Variants in COBL observed in about 807,000 individuals in gnomAD.
COBL encodes the protein protein cordon-bleu.
COBL carries 51 observed loss-of-function variants against 98.8 expected under a neutral mutation model. The observed-to-expected ratio is 0.52, with a 90% CI of 0.41 to 0.65. The LOEUF (loss-of-function observed/expected upper bound fraction) is 0.65. Ranked by LOEUF, COBL falls within the 30% of genes least tolerant of loss-of-function variation. The pLI, the probability that COBL is intolerant of heterozygous loss-of-function variation, is 0.00. For synonymous variants in COBL, 634 were observed against 651.7 expected, an observed-to-expected ratio of 0.97 and a Z score of 0.41; for missense variants, 1,617 against 1,617.5, an observed-to-expected ratio of 1.00 and a Z score of 0.01.
intron 1 of COBL, among the ~76,000 whole-genome samples, chr7:51,289,538 C>T (rs1339860378): frequency 1.3e-5 from 2 of 152,240 alleles, no homozygotes; most frequent in Non-Finnish European, 2.9e-5. Flanking sequence ...ATGTGCTGAT[C>T]CTGCCCATCT....
chr7:51,241,580 T>G (rs1213122178), intron 1 of COBL, among the ~76,000 whole-genome samples: 1 of 152,166 alleles, frequency 6.6e-6, no homozygotes, highest in African/African-American at 2.4e-5. Context: ...TAATCTATAT[T>G]TTTTAAAAAA....
chr7:51,018,906 ATATATATATATATATATATATAT>A lies in COBL; in HGVS notation c.3769-1361_3769-1339del, dbSNP rs1301631153. 3.8e-4 allele frequency among the ~76,000 whole-genome samples: 13 copies of A among 33,802 alleles called. 2 individuals carry two copies. The highest frequency in any genetic ancestry group is 1.0e-3 in the African/African-American group (12 of 11,768). 22.2% of individuals were successfully genotyped at this position (33,802 alleles called of 152,430 possible). Reference sequence around the variant, plus strand: ...AACTCCATCTCAAAAAAAAAAAAAAATATATATATATATATATATATATATATATATATATATATATATATATG... The same window carrying A: ...AACTCCATCTCAAAAAAAAAAAAAAAATATATATATATATATATATATATG... On this transcript the variant is annotated intron_variant, in intron 12 of 12. Transcript: ENST00000265136.
intron 6 of COBL, among the ~76,000 whole-genome samples, chr7:51,132,446 G>C (rs1225159847): frequency 6.6e-6 from 1 of 152,220 alleles, no homozygotes; most frequent in Non-Finnish European, 1.5e-5. Context: ...CCATTTTACA[G>C]AGGAAACTGA....
chr7:51,079,777 G>C (rs781108453), intron 7 of COBL, among the ~76,000 whole-genome samples: 14 of 152,238 alleles, frequency 9.2e-5, no homozygotes, highest in Non-Finnish European at 1.8e-4. Context: ...CGGCTGCCGA[G>C]AGGTGGCCTC....
chr7:51,232,649 A>C (rs1466109801), intron 1 of COBL, among the ~76,000 whole-genome samples: 1 of 152,102 alleles, frequency 6.6e-6, no homozygotes, highest in Non-Finnish European at 1.5e-5. Context: ...GCCTCTACTA[A>C]AAATACAAAA....
chr7:51,232,988 G>T (rs1794911342), intron 1 of COBL, among the ~76,000 whole-genome samples: 2 of 152,132 alleles, frequency 1.3e-5, no homozygotes, highest in African/African-American at 4.8e-5. Context: ...CTATGCAAGT[G>T]ATCAGGAGTA....
intron 7 of COBL, among the ~76,000 whole-genome samples, chr7:51,078,505 T>G (rs1477942772): frequency 6.6e-6 from 1 of 152,230 alleles, no homozygotes; most frequent in Non-Finnish European, 1.5e-5. Flanking sequence ...TTCCATGAGA[T>G]AAGACATTCC....
At chr7:51,215,390 G>A (rs1419199432) in intron 2 of COBL, among the ~76,000 whole-genome samples, 4 of 152,042 alleles carry the variant, frequency 2.6e-5, no homozygotes, top group Non-Finnish European at 5.9e-5. Flanking sequence ...TTTCAGCTTT[G>A]TTTGGATTAA....
At chr7:51,148,751 C>A (rs549904589) in intron 5 of COBL, among the ~76,000 whole-genome samples, 6 of 152,276 alleles carry the variant, frequency 3.9e-5, no homozygotes, top group Admixed American at 1.3e-4. Flanking sequence ...CCCTTCAGAG[C>A]CAGGCCAAGG....
rs1236153620 is a variant in COBL, at chr7:51,028,610, A to G, written c.2486T>C (p.Leu829Pro). The G allele has an allele frequency of 6.2e-7, 1 of 1,613,722 alleles. No individual in the cohort carries two copies. The highest frequency in any genetic ancestry group is 8.5e-7 in the Non-Finnish European group (1 of 1,179,882). The change falls in exon 10 of 13, where the codon CTA becomes CCA. Residue 829 changes from leucine (L) to proline (P), a missense_variant. Coordinates refer to ENST00000265136, the MANE Select transcript of COBL (RefSeq NM_015198.5). ...GGGGGGCTGGTTTCTCCCCTCCCCTAGGGGGTTCCGGCCCTCATGGTGGGC... is the reference window on the plus strand; with the variant it reads ...GGGGGGCTGGTTTCTCCCCTCCCCTGGGGGGTTCCGGCCCTCATGGTGGGC... ...KSAHHEGRNP[L>P]GEGRNQPPTM...
chr7:51,076,289 G>T (rs1793067249), intron 7 of COBL, among the ~76,000 whole-genome samples: 1 of 152,216 alleles, frequency 6.6e-6, no homozygotes, highest in Admixed American at 6.5e-5. Context: ...GGCATTAGGG[G>T]ACTCTAATGA....
chr7:51,041,699 G>A (rs1020026003), intron 8 of COBL, among the ~76,000 whole-genome samples: 2 of 151,794 alleles, frequency 1.3e-5, no homozygotes, highest in Non-Finnish European at 1.5e-5. Context: ...GGCCAGGCAG[G>A]TCTTGAACTC....
chr7:51,145,398 G>A (rs181043347), intron 5 of COBL, among the ~76,000 whole-genome samples: 99 of 121,512 alleles, frequency 8.1e-4, no homozygotes, highest in African/African-American at 3.1e-3. Context: ...TTTTTTTTCC[G>A]AGATGGAGTG....
At chr7:51,045,966 C>A (rs1169341037) in intron 7 of COBL, among the ~76,000 whole-genome samples, 1 of 152,216 alleles carries the variant, frequency 6.6e-6, no homozygotes, top group African/African-American at 2.4e-5. Context: ...CCCAGGCCAG[C>A]CCTCCTGCTC....
At chr7:51,025,042 C>A in intron 12 of COBL, 67 bp downstream of exon 12, 1 of 1,602,438 alleles carries the variant, frequency 6.2e-7, no homozygotes, top group Non-Finnish European at 8.5e-7. Context: ...GCAAGCGTGT[C>A]CCTGGATCTA....
chr7:51,306,041 G>A (rs576979805), intron 1 of COBL, among the ~76,000 whole-genome samples: 4 of 152,088 alleles, frequency 2.6e-5, no homozygotes, highest in African/African-American at 9.7e-5. Flanking sequence ...TCTGTCTTGG[G>A]GCGGGGGTGG....
At chr7:51,123,799 G>A (rs1467076611) in intron 6 of COBL, among the ~76,000 whole-genome samples, 8 of 152,152 alleles carry the variant, frequency 5.3e-5, no homozygotes, top group Non-Finnish European at 1.2e-4. Context: ...ACTCATTGCA[G>A]TGCTACGCCA....
chr7:51,267,206 C>T (rs1798297814), intron 1 of COBL, among the ~76,000 whole-genome samples: 1 of 152,308 alleles, frequency 6.6e-6, no homozygotes, highest in South Asian at 2.1e-4. Context: ...GTTATTTCTA[C>T]ATTTTTAACA....
intron 7 of COBL, among the ~76,000 whole-genome samples, chr7:51,057,615 G>C (rs1790895681): frequency 6.6e-6 from 1 of 152,112 alleles, no homozygotes; most frequent in Admixed American, 6.6e-5. Flanking sequence ...ATTGTTTCTA[G>C]CCTTATCCAA....
Sources: allele counts gnomAD v4.1 joint callset (sites outside exome capture counted in the v4.1 genomes callset), GRCh38; gene constraint gnomAD v4.1.1; transcripts MANE v1.5; gene names NCBI Gene and HGNC (gene_info 2026-07-23, HGNC 2026-07-21).